TXLNB: variants seen among roughly 807,000 people sequenced by gnomAD.
The protein encoded by TXLNB is beta-taxilin.
A neutral mutation model predicts 57.4 loss-of-function variants in TXLNB; 37 were observed. That is an observed-to-expected ratio of 0.64 (90% CI 0.50 to 0.85). The LOEUF is 0.85. TXLNB is among the 40% of genes least tolerant of loss of function. The pLI is 0.00. For synonymous variants in TXLNB, 302 were observed against 309.6 expected (o/e 0.98, Z 0.26); for missense variants, 848 against 825.6 (o/e 1.03, Z -0.33).
At chr6:139,305,793 C>A in the TXLNB span, among the ~76,000 whole-genome samples, 1 of 152,090 alleles carries the variant, frequency 6.6e-6, no homozygotes, top group Non-Finnish European at 1.5e-5. Context: ...TTGCATGTAT[C>A]ATTAGGTCTT....
the TXLNB span, among the ~76,000 whole-genome samples, chr6:139,188,956 A>G: frequency 1.3e-5 from 2 of 152,184 alleles, no homozygotes; most frequent in Non-Finnish European, 2.9e-5. Context: ...GGGTTTCACA[A>G]CATTGGCCAG....
the TXLNB span, among the ~76,000 whole-genome samples, chr6:139,193,822 TTATA>T: frequency 2.4e-4 from 22 of 92,628 alleles, no homozygotes; most frequent in African/African-American, 7.6e-4. Flanking sequence ...CCTGGCTAAT[TTATA>T]TATATATATA....
chr6:139,315,884 GAC>G, the TXLNB span, among the ~76,000 whole-genome samples: 1 of 152,068 alleles, frequency 6.6e-6, no homozygotes, highest in Non-Finnish European at 1.5e-5. Flanking sequence ...TGTTATTTTA[GAC>G]ACAGAGAACT....
chr6:139,315,324 C>G, the TXLNB span, among the ~76,000 whole-genome samples: 4 of 152,142 alleles, frequency 2.6e-5, no homozygotes, highest in Admixed American at 2.6e-4. Flanking sequence ...CAGTCTCCCC[C>G]ACAGCTGGCT....
At chr6:139,284,256 G>A (rs1165961617) in intron 2 of TXLNB, among the ~76,000 whole-genome samples, 2 of 145,372 alleles carry the variant, frequency 1.4e-5, no homozygotes, top group Admixed American at 6.8e-5. Flanking sequence ...TGGGCCGGGT[G>A]CGGTGGCTCA....
chr6:139,271,728 T>C (rs984685934), intron 3 of TXLNB: 21 of 152,076 alleles, frequency 1.4e-4, no homozygotes, highest in Admixed American at 1.1e-3. Context: ...CAGAGAGAGA[T>C]TGGTGGACTC....
chr6:139,270,465 C>T lies in TXLNB; in HGVS notation c.678G>A (p.Lys226=). The T allele has an allele frequency of 6.2e-7, 1 of 1,613,806 alleles. No individual in the cohort carries two copies. Among genetic ancestry groups the T allele is most frequent in the Non-Finnish European group, 8.5e-7 (1 of 1,179,928 alleles). The part of the protein sequence containing the change: ...SLCRELQRHN[K]TLKEEALQRA... ...AGGCATGGGGACATACCTTCAGAGT[C>T]TTGTTGTGTCTCTGCAGCTCCCGGC... Residue 226 remains lysine (K), a synonymous_variant, in exon 4 of 10, where the codon AAG becomes AAA. Transcript: ENST00000358430.
At chr6:139,240,007 A>G (rs940921062), downstream of TXLNB, 1 of 151,812 alleles carries the variant, frequency 6.6e-6, no homozygotes, top group African/African-American at 2.4e-5. Flanking sequence ...TAGAAGTAAT[A>G]AAAACAAAAA....
chr6:139,237,865 G>A (rs555372332), downstream of TXLNB, among the ~76,000 whole-genome samples: 5 of 152,260 alleles, frequency 3.3e-5, no homozygotes, highest in South Asian at 1.0e-3. Flanking sequence ...CAGGAAGAAG[G>A]ACTTGCATTT....
chr6:139,233,444 TAGATA>T, the TXLNB span, among the ~76,000 whole-genome samples: 4 of 144,626 alleles, frequency 2.8e-5, no homozygotes, highest in African/African-American at 5.3e-5. Context: ...GATAGATAGA[TAGATA>T]TTTTTTTTGA....
the TXLNB span, among the ~76,000 whole-genome samples, chr6:139,214,089 A>G: frequency 6.6e-6 from 1 of 152,214 alleles, no homozygotes; most frequent in African/African-American, 2.4e-5. Context: ...AACTATTCCA[A>G]TCAATAGAAA....
At chr6:139,208,693 T>C in the TXLNB span, among the ~76,000 whole-genome samples, 4 of 152,182 alleles carry the variant, frequency 2.6e-5, no homozygotes, top group Middle Eastern at 3.2e-3. Context: ...ACAAAAATCA[T>C]GTGATCATCT....
chr6:139,284,104 C>T lies in TXLNB; in HGVS notation c.424+4372G>A, dbSNP rs1384465278. On this transcript the variant is annotated intron_variant, in intron 2 of 9. Coordinates refer to ENST00000358430, the MANE Select transcript of TXLNB (RefSeq NM_153235.4). The stretch of plus-strand genomic sequence containing the variant: ...AAAAATTTTCCTGTTCCTGCTCTTG[C>T]ACTTACACTATATGACAATTAGCTT... 4.8e-5 allele frequency among the ~76,000 whole-genome samples: 7 copies of T among 145,840 alleles called. 1 individual carries two copies. The highest frequency in any genetic ancestry group is 1.1e-4 in the Non-Finnish European group (7 of 65,528).
the TXLNB span, among the ~76,000 whole-genome samples, chr6:139,189,587 G>T: frequency 6.6e-6 from 1 of 152,278 alleles, no homozygotes; most frequent in East Asian, 1.9e-4. Context: ...TGAAATAAAT[G>T]GAGTTCTCAA....
At chr6:139,166,841 T>C in the TXLNB span, 1 of 1,613,868 alleles carries the variant, frequency 6.2e-7, no homozygotes, top group South Asian at 1.1e-5. Context: ...ACCCACGGGC[T>C]ACTCCATCCT....
chr6:139,316,022 AT>A, the TXLNB span, among the ~76,000 whole-genome samples: 2 of 152,206 alleles, frequency 1.3e-5, no homozygotes, highest in African/African-American at 4.8e-5. Flanking sequence ...GTAAAACTTC[AT>A]TAAGTTTAAA....
the TXLNB span, among the ~76,000 whole-genome samples, chr6:139,199,322 G>A: frequency 2.1e-4 from 32 of 152,092 alleles, no homozygotes; most frequent in South Asian, 3.9e-3. Context: ...CTAAACCTGC[G>A]ACTCTACCAA....
the TXLNB span, among the ~76,000 whole-genome samples, chr6:139,172,572 C>T: frequency 6.6e-6 from 1 of 152,188 alleles, no homozygotes; most frequent in Non-Finnish European, 1.5e-5. Flanking sequence ...TGATTGTTCT[C>T]TGAAGAATCG....
intron 4 of TXLNB, among the ~76,000 whole-genome samples, chr6:139,263,414 A>C (rs555788541): frequency 6.0e-4 from 92 of 152,366 alleles, no homozygotes; most frequent in Middle Eastern, 6.8e-3. Context: ...TTGAAAGAAC[A>C]ATCATTAAAT....
Sources: gnomAD v4.1 joint callset for allele counts (sites outside exome capture counted in the v4.1 genomes callset) on GRCh38, gnomAD v4.1.1 for gene constraint, MANE v1.5 for transcripts, NCBI Gene and HGNC (gene_info 2026-07-23, HGNC 2026-07-21) for gene names.